NPAS3: variants seen among roughly 807,000 people sequenced by gnomAD.
NPAS3 encodes the protein neuronal PAS domain protein 3, also known as neuronal PAS domain-containing protein 3.
A neutral mutation model predicts 73.1 loss-of-function variants in NPAS3; 14 were observed. That is an observed-to-expected ratio of 0.19 (90% CI 0.13 to 0.30). NPAS3 has a LOEUF of 0.30. Ranked by LOEUF, NPAS3 falls within the 10% of genes least tolerant of loss-of-function variation. The pLI is 1.00. For missense variants in NPAS3, 1,096 were observed against 1,250.0 expected (o/e 0.88, Z 1.86); for synonymous variants, 620 against 541.5 (o/e 1.14, Z -2.01).
chr14:33,573,300 G>T (rs1297895473), intron 5 of NPAS3, among the ~76,000 whole-genome samples: 1 of 152,144 alleles, frequency 6.6e-6, no homozygotes, highest in Non-Finnish European at 1.5e-5. Flanking sequence ...GGAAACTGAG[G>T]CTATTGATCA....
At chr14:33,628,914 A>T (rs1415343428) in intron 5 of NPAS3, among the ~76,000 whole-genome samples, 1 of 152,222 alleles carries the variant, frequency 6.6e-6, no homozygotes, top group Non-Finnish European at 1.5e-5. Context: ...CCCCATGAAC[A>T]TCCAATGCAT....
At chr14:33,212,039 C>A (rs998644380) in intron 2 of NPAS3, among the ~76,000 whole-genome samples, 7 of 152,154 alleles carry the variant, frequency 4.6e-5, no homozygotes, top group African/African-American at 9.7e-5. Context: ...TCGTTTAGAA[C>A]AAAACGTACA....
chr14:33,653,664 C>T (rs1013351041), intron 5 of NPAS3, among the ~76,000 whole-genome samples: 1 of 152,202 alleles, frequency 6.6e-6, no homozygotes, highest in Non-Finnish European at 1.5e-5. Context: ...TTCAGAGGGT[C>T]GTTGACACTG....
chr14:33,193,167 G>A (rs2046230654), intron 2 of NPAS3, among the ~76,000 whole-genome samples: 1 of 145,100 alleles, frequency 6.9e-6, no homozygotes, highest in South Asian at 2.2e-4. Context: ...TTCATCTGGA[G>A]TTTTCTTCTT....
chr14:32,966,901 C>T (rs1319712677), intron 1 of NPAS3, among the ~76,000 whole-genome samples: 3 of 151,622 alleles, frequency 2.0e-5, no homozygotes, highest in Non-Finnish European at 4.4e-5. Flanking sequence ...AAAGCACAGG[C>T]AACAAAAGCA....
chr14:33,450,344 A>G (rs927700155), intron 4 of NPAS3, among the ~76,000 whole-genome samples: 1 of 152,234 alleles, frequency 6.6e-6, no homozygotes, highest in African/African-American at 2.4e-5. Context: ...TTATAAAAGC[A>G]ATCTGTATTC....
intron 5 of NPAS3, among the ~76,000 whole-genome samples, chr14:33,648,274 T>A (rs1305687093): frequency 6.6e-6 from 1 of 152,182 alleles, no homozygotes; most frequent in Non-Finnish European, 1.5e-5. Context: ...TGAATGTAAA[T>A]CATTCCATTT....
intron 4 of NPAS3, among the ~76,000 whole-genome samples, chr14:33,448,832 C>G (rs11845867): frequency 0.68 from 102,808 of 152,074 alleles, 35,447 homozygotes; most frequent in East Asian, 0.84. Flanking sequence ...ATACAAGCAT[C>G]TGAACTGGCT....
chr14:33,667,007 C>T (rs971637992), intron 5 of NPAS3, among the ~76,000 whole-genome samples: 3 of 152,020 alleles, frequency 2.0e-5, no homozygotes, highest in Admixed American at 1.3e-4. Flanking sequence ...TTCTAGTAGC[C>T]GCATTTTAAA....
In NPAS3 at chr14:33,304,069, G is replaced by A. The variant is rs573889239; in HGVS notation, c.386-63117G>A. 5.3e-5 allele frequency among the ~76,000 whole-genome samples: 8 copies of A among 152,220 alleles called. No individual in the cohort carries two copies. In the South Asian group the frequency reaches 8.3e-4, roughly 16 times the overall value. On this transcript the variant is annotated intron_variant, in intron 3 of 11. Coordinates refer to ENST00000356141, the Ensembl canonical transcript of NPAS3. Reference sequence around the variant, plus strand: ...ACTACAGGTGCCCGCAACCACGCCCGACCAATTTTTTGTATTTTTAGTAAA... The same window carrying A: ...ACTACAGGTGCCCGCAACCACGCCCAACCAATTTTTTGTATTTTTAGTAAA...
At chr14:33,092,367 A>G (rs961226931) in intron 2 of NPAS3, among the ~76,000 whole-genome samples, 4 of 152,318 alleles carry the variant, frequency 2.6e-5, no homozygotes, top group Non-Finnish European at 5.9e-5. Context: ...TCCCATTCAC[A>G]ATTGCTTTGA....
intron 4 of NPAS3, among the ~76,000 whole-genome samples, chr14:33,382,834 T>G (rs1265209456): frequency 6.6e-6 from 1 of 152,182 alleles, no homozygotes. Flanking sequence ...GGATCACACC[T>G]GTAATCTCAG....
At chr14:33,745,683 T>C (rs2061770403) in intron 7 of NPAS3, among the ~76,000 whole-genome samples, 1 of 152,224 alleles carries the variant, frequency 6.6e-6, no homozygotes, top group East Asian at 1.9e-4. Flanking sequence ...TAGTAATTCA[T>C]CAGTAATATT....
intron 1 of NPAS3, among the ~76,000 whole-genome samples, chr14:33,041,193 G>A (rs117506649): frequency 0.028 from 4,217 of 152,154 alleles, 96 homozygotes; most frequent in Non-Finnish European, 0.04. Flanking sequence ...CATATTAATG[G>A]CCTCTAGTGA....
intron 3 of NPAS3, among the ~76,000 whole-genome samples, chr14:33,224,320 A>G (rs997582957): frequency 2.0e-5 from 3 of 152,170 alleles, no homozygotes; most frequent in African/African-American, 7.2e-5. Flanking sequence ...ACTGCTTTAT[A>G]TGATTGAAAT....
At position 33,619,694 on chromosome 14, in the gene NPAS3, C is replaced by A. The variant is rs533216912; in HGVS notation, c.559-56517C>A. On this transcript the variant is annotated intron_variant, in intron 5 of 11. Transcript: ENST00000356141. ...AACTGAAGGGGATGTTATTTTAAAT[C>A]CACTCTTGTCTACCCAAAAAAGGTG... Among the ~76,000 whole-genome samples the A allele has an allele frequency of 1.8e-4, 28 of 152,280 alleles. 1 individual carries two copies. In the South Asian group the frequency reaches 5.4e-3, roughly 29 times the overall value.
chr14:33,623,734 T>C (rs986253986), intron 5 of NPAS3, among the ~76,000 whole-genome samples: 2 of 152,182 alleles, frequency 1.3e-5, no homozygotes, highest in Admixed American at 6.5e-5. Flanking sequence ...TCTGTTGTTA[T>C]CTCCTATTAT....
At chr14:33,027,648 A>G (rs2039854264) in intron 1 of NPAS3, among the ~76,000 whole-genome samples, 1 of 152,122 alleles carries the variant, frequency 6.6e-6, no homozygotes, top group Admixed American at 6.5e-5. Flanking sequence ...CCACCCTTCA[A>G]ACCATCTGCA....
chr14:33,314,450 A>G (rs3910617), intron 3 of NPAS3, among the ~76,000 whole-genome samples: 4,405 of 152,126 alleles, frequency 0.029, 178 homozygotes, highest in African/African-American at 0.092. Context: ...AGTAGTGTCT[A>G]TAAAGTTGGG....
Sources: gnomAD v4.1 joint callset for allele counts (sites outside exome capture counted in the v4.1 genomes callset) on GRCh38, gnomAD v4.1.1 for gene constraint, MANE v1.5 for transcripts, NCBI Gene and HGNC (gene_info 2026-07-23, HGNC 2026-07-21) for gene names.